Variants in PCBP3 observed in about 807,000 individuals in gnomAD.
PCBP3 encodes poly(rC)-binding protein 3.
Under a neutral mutation model 52.7 loss-of-function variants are expected in PCBP3, and 25 were observed. The ratio of observed to expected loss-of-function variants is 0.47; its 90% CI spans 0.35 to 0.66. The LOEUF (loss-of-function observed/expected upper bound fraction) is 0.66, where lower values mean the gene tolerates loss of function less well. Ranked by LOEUF, PCBP3 falls within the 30% of genes least tolerant of loss-of-function variation. The probability of loss-of-function intolerance (pLI) is 0.01; values close to 1 mark genes in which losing one functional copy is unlikely to be tolerated. For synonymous variants in PCBP3, 162 were observed against 183.0 expected (o/e 0.89, Z 0.93); for missense variants, 391 against 490.3 (o/e 0.80, Z 1.91).
chr21:45,659,337 CTTTTT>C (rs36113182), intron 1 of PCBP3, among the ~76,000 whole-genome samples: 84 of 78,738 alleles, frequency 1.1e-3, no homozygotes, highest in South Asian at 4.2e-3. Context: ...TTTTACTTTC[CTTTTT>C]TTTTTTTTTT....
chr21:45,855,163 TTCTC>T (rs1278903466), intron 5 of PCBP3, among the ~76,000 whole-genome samples: 1 of 152,240 alleles, frequency 6.6e-6, no homozygotes, highest in African/African-American at 2.4e-5. Flanking sequence ...CCCAAGTGCC[TTCTC>T]TCTCTCTGCG....
At chr21:45,743,189 A>G (rs2086576851) in intron 3 of PCBP3, among the ~76,000 whole-genome samples, 1 of 152,114 alleles carries the variant, frequency 6.6e-6, no homozygotes, top group Non-Finnish European at 1.5e-5. Context: ...TTCCCATTGC[A>G]TTTATCAAAT....
chr21:45,754,431 T>G (rs1454510262), intron 3 of PCBP3, among the ~76,000 whole-genome samples: 5 of 152,348 alleles, frequency 3.3e-5, no homozygotes, highest in Non-Finnish European at 5.9e-5. Flanking sequence ...GCTTCGGTTG[T>G]TTAAATTAGG....
intron 4 of PCBP3, among the ~76,000 whole-genome samples, chr21:45,845,707 C>A (rs1010787728): frequency 1.3e-5 from 2 of 151,094 alleles, no homozygotes; most frequent in Non-Finnish European, 2.9e-5. Context: ...CACCCGTTTG[C>A]ACATGTATGT....
chr21:45,720,255 T>G (rs1400006115), intron 2 of PCBP3, among the ~76,000 whole-genome samples: 2 of 151,962 alleles, frequency 1.3e-5, no homozygotes, highest in African/African-American at 4.8e-5. Flanking sequence ...GTGTGTGATG[T>G]TCCCCTCCCT....
intron 5 of PCBP3, chr21:45,869,211 G>A (rs1312825610): frequency 1.3e-5 from 2 of 152,202 alleles, no homozygotes; most frequent in Admixed American, 6.5e-5. Flanking sequence ...TTAACAGGCC[G>A]TCAGCGGATT....
intron 2 of PCBP3, among the ~76,000 whole-genome samples, chr21:45,675,050 T>A (rs1323437321): frequency 6.6e-6 from 1 of 152,216 alleles, no homozygotes. Flanking sequence ...GTGGAGTGCC[T>A]CTGTTGTCCA....
At chr21:45,767,275 A>G (rs1266364747) in intron 4 of PCBP3, among the ~76,000 whole-genome samples, 1 of 151,862 alleles carries the variant, frequency 6.6e-6, no homozygotes, top group Admixed American at 6.6e-5. Context: ...AGATTTGCCC[A>G]TGCTGGGTAT....
chr21:45,691,409 ATATT>A (rs2082459595), intron 2 of PCBP3, among the ~76,000 whole-genome samples: 1 of 143,688 alleles, frequency 7.0e-6, no homozygotes, highest in East Asian at 2.0e-4. Context: ...TCTCATATAT[ATATT>A]ATATATATAT....
chr21:45,842,572 T>C (rs753251452), intron 4 of PCBP3, among the ~76,000 whole-genome samples: 3 of 152,214 alleles, frequency 2.0e-5, no homozygotes, highest in African/African-American at 7.2e-5. Context: ...TTCTCTTTCA[T>C]GTTGAGGTAT....
At chr21:45,883,014 T>G (rs1172519827) in intron 5 of PCBP3, among the ~76,000 whole-genome samples, 1 of 152,240 alleles carries the variant, frequency 6.6e-6, no homozygotes, top group Non-Finnish European at 1.5e-5. Flanking sequence ...CTTTTCTCTC[T>G]TCAAATGTGT....
Position 45,737,641 on chromosome 21 carries a change from C to T in PCBP3, c.-162+2212C>T, listed in dbSNP as rs2085985008. ...CAGTGCAGGTGGACCCATCGCCTGCCAGCATGTGGGTTCTGGAGGCTGCAG... is the reference window on the plus strand; with the variant it reads ...CAGTGCAGGTGGACCCATCGCCTGCTAGCATGTGGGTTCTGGAGGCTGCAG... On this transcript the variant is annotated intron_variant, in intron 3 of 17. Coordinates refer to ENST00000681687, the MANE Select transcript of PCBP3 (RefSeq NM_001384156.1). The surrounding 1 kb of genome is among the most constrained non-coding windows in gnomAD (Gnocchi z 4.9). 6.6e-6 allele frequency among the ~76,000 whole-genome samples: 1 copy of T among 152,198 alleles called. No homozygotes were observed. Among genetic ancestry groups the T allele is most frequent in the Non-Finnish European group, 1.5e-5 (1 of 68,030 alleles).
intron 17 of PCBP3, among the ~76,000 whole-genome samples, chr21:45,940,565 G>C (rs1198614428): frequency 6.6e-6 from 1 of 152,216 alleles, no homozygotes; most frequent in Admixed American, 6.5e-5. Flanking sequence ...GGACTTTGCT[G>C]TTTTGCCTCC....
chr21:45,671,859 G>T (rs4434082), intron 2 of PCBP3, among the ~76,000 whole-genome samples: 24,049 of 152,070 alleles, frequency 0.16, 2,011 homozygotes, highest in Middle Eastern at 0.31. Flanking sequence ...ATTCATCATG[G>T]TCAGTGTGGC....
rs369678088 is a variant in PCBP3 at position 45,913,927 on chromosome 21, T to C, written c.601-24T>C. ...TGCGAAGCTGCTCTAACGCTCTCTCTCCCTCTCCTGTCCCTTTTCCTAGTC... is the reference window on the plus strand; with the variant it reads ...TGCGAAGCTGCTCTAACGCTCTCTCCCCCTCTCCTGTCCCTTTTCCTAGTC... On this transcript the variant is annotated intron_variant, in intron 11 of 17. Coordinates refer to ENST00000681687, the MANE Select transcript of PCBP3 (RefSeq NM_001384156.1). The C allele has an allele frequency of 5.0e-6, 8 of 1,598,780 alleles. No homozygotes were observed. The African/African-American group carries it at 1.1e-4, about 21-fold the overall frequency.
chr21:45,844,808 C>T (rs553039620), intron 4 of PCBP3, among the ~76,000 whole-genome samples: 5 of 149,594 alleles, frequency 3.3e-5, no homozygotes, highest in African/African-American at 1.2e-4. Flanking sequence ...AGTTTATATA[C>T]ATATATATAA....
rs550340564 is a variant in PCBP3, at chr21:45,705,199, A to C, written c.-199-30193A>C. Among the ~76,000 whole-genome samples the C allele has an allele frequency of 1.1e-4, 16 of 152,330 alleles. 1 individual carries two copies. The South Asian group carries it at 3.1e-3, about 30-fold the overall frequency. ...AGTTCCCTTGATCAGCCAGGTTCCC[A>C]GGGAATCTGTGGAGACTGGCTGTGT... is the stretch of plus-strand genomic sequence containing the variant. On this transcript the variant is annotated intron_variant, in intron 2 of 17. Transcript: ENST00000681687.
chr21:45,825,395 C>G (rs1199152813), intron 4 of PCBP3, among the ~76,000 whole-genome samples: 2 of 152,148 alleles, frequency 1.3e-5, no homozygotes, highest in African/African-American at 4.8e-5. Context: ...AGTGTCCCCG[C>G]CGCCGTGGAG....
At chr21:45,658,996 T>C in intron 1 of PCBP3, among the ~76,000 whole-genome samples, 1 of 152,046 alleles carries the variant, frequency 6.6e-6, no homozygotes, top group Non-Finnish European at 1.5e-5. Context: ...GTAAGGTTGG[T>C]AGTTTTCTTT....
Sources: allele counts gnomAD v4.1 joint callset (sites outside exome capture counted in the v4.1 genomes callset), GRCh38; gene constraint gnomAD v4.1.1; non-coding constraint Gnocchi (gnomAD v3.1); transcripts MANE v1.5; gene names NCBI Gene and HGNC (gene_info 2026-07-23, HGNC 2026-07-21).